The following SHANK2 variants were observed in gnomAD, a reference collection of about 807,000 sequenced individuals.
The protein encoded by SHANK2 is SH3 and multiple ankyrin repeat domains 2.
SHANK2 carries 43 observed loss-of-function variants against 133.7 expected under a neutral mutation model. That is an observed-to-expected ratio of 0.32 (90% confidence interval 0.25 to 0.41). The LOEUF (loss-of-function observed/expected upper bound fraction) is 0.41. Among genes scored for constraint, SHANK2 ranks in the 10% least tolerant of loss-of-function variants. The pLI, the probability that SHANK2 is intolerant of heterozygous loss-of-function variation, is 1.00. For missense variants in SHANK2, 1,994 were observed against 2,235.8 expected (o/e 0.89, Z 2.18); for synonymous variants, 1,017 against 952.8 (o/e 1.07, Z -1.24).
intron 15 of SHANK2, 53 bp from the exon 16 acceptor site, chr11:70,661,731 C>G (rs1322862696): frequency 6.2e-7 from 1 of 1,614,158 alleles, no homozygotes; most frequent in African/African-American, 1.3e-5. Flanking sequence ...GTCATCATCA[C>G]CGCGGCCGCT....
chr11:70,710,336 C>A (rs974580217), intron 14 of SHANK2, among the ~76,000 whole-genome samples: 1 of 152,202 alleles, frequency 6.6e-6, no homozygotes, highest in Non-Finnish European at 1.5e-5. Flanking sequence ...CTTTGACCTG[C>A]AGAGAGGACT....
chr11:70,821,580 C>T (rs999088113), intron 11 of SHANK2, among the ~76,000 whole-genome samples: 4 of 152,122 alleles, frequency 2.6e-5, no homozygotes, highest in Non-Finnish European at 4.4e-5. Flanking sequence ...TGCCCGCCAC[C>T]ACGCCTGCTA....
intron 10 of SHANK2, among the ~76,000 whole-genome samples, chr11:70,913,212 G>A (rs1234929149): frequency 6.6e-6 from 1 of 152,018 alleles, no homozygotes; most frequent in Non-Finnish European, 1.5e-5. Context: ...CAGTGAGAAA[G>A]AAGAAACTTA....
chr11:70,874,176 C>G (rs569731772), intron 11 of SHANK2, among the ~76,000 whole-genome samples: 1 of 152,120 alleles, frequency 6.6e-6, no homozygotes, highest in Admixed American at 6.6e-5. Flanking sequence ...ATCTACCTAC[C>G]TACCTAATCT....
chr11:70,626,237 AT>A (rs1213325216), intron 17 of SHANK2, among the ~76,000 whole-genome samples: 1 of 152,222 alleles, frequency 6.6e-6, no homozygotes, highest in Non-Finnish European at 1.5e-5. Flanking sequence ...CTTTGCAAAC[AT>A]TTCAAACGTT....
At chr11:70,758,287 T>C (rs960407677) in intron 14 of SHANK2, among the ~76,000 whole-genome samples, 25 of 152,302 alleles carry the variant, frequency 1.6e-4, no homozygotes, top group Admixed American at 1.3e-3. Context: ...ATCTTGCAAC[T>C]GCACGCTCTT....
At chr11:70,597,851 C>T (rs1026503549) in intron 17 of SHANK2, among the ~76,000 whole-genome samples, 14 of 152,116 alleles carry the variant, frequency 9.2e-5, no homozygotes, top group Admixed American at 6.5e-4. Flanking sequence ...CGAGCCTGTG[C>T]GACAAAGCAA....
At chr11:70,935,261 C>G (rs1950556775) in intron 10 of SHANK2, among the ~76,000 whole-genome samples, 1 of 152,110 alleles carries the variant, frequency 6.6e-6, no homozygotes, top group Non-Finnish European at 1.5e-5. Context: ...CAGGAGCTCT[C>G]TCAGTTCTCA....
chr11:70,843,687 C>G (rs111306546), intron 11 of SHANK2, among the ~76,000 whole-genome samples: 1,860 of 152,068 alleles, frequency 0.012, 18 homozygotes, highest in Non-Finnish European at 0.018. Flanking sequence ...GAGCTCCAGC[C>G]TCCAGGACTG....
At chr11:70,502,730 T>TGGGCGG in intron 18 of SHANK2, 66 bp downstream of exon 18, 5 of 772,448 alleles carry the variant, frequency 6.5e-6, no homozygotes, top group Non-Finnish European at 5.7e-6. Context: ...CCAGCTGTCC[T>TGGGCGG]GCCCGCCCCC....
chr11:70,714,893 A>G (rs1555026944), intron 14 of SHANK2, among the ~76,000 whole-genome samples: 1 of 151,684 alleles, frequency 6.6e-6, no homozygotes, highest in Non-Finnish European at 1.5e-5. Context: ...GCAGCCTTGA[A>G]CTTCTGGGCT....
intron 11 of SHANK2, among the ~76,000 whole-genome samples, chr11:70,875,749 G>C (rs1255612293): frequency 6.6e-6 from 1 of 152,076 alleles, no homozygotes; most frequent in African/African-American, 2.4e-5. Context: ...CAGCTACTTG[G>C]GGGGCTGAAG....
At chr11:71,098,785 C>A (rs951774602) in intron 6 of SHANK2, among the ~76,000 whole-genome samples, 10 of 152,300 alleles carry the variant, frequency 6.6e-5, no homozygotes, top group Middle Eastern at 6.8e-3. Flanking sequence ...CCAAGCAATT[C>A]GCATCACTTC....
chr11:71,228,752 C>A (rs1055536565), intron 1 of SHANK2, among the ~76,000 whole-genome samples: 18 of 152,182 alleles, frequency 1.2e-4, no homozygotes, highest in Admixed American at 4.6e-4. Context: ...GAGTAAGACT[C>A]CATCTCAAAA....
intron 2 of SHANK2, among the ~76,000 whole-genome samples, chr11:71,176,695 T>A (rs1456698626): frequency 2.5e-4 from 38 of 151,620 alleles, no homozygotes; most frequent in Admixed American, 2.5e-3. Context: ...CAACAAATGA[T>A]AATAAAAGAA....
chr11:71,203,193 GC>G (rs1290215671), intron 2 of SHANK2, among the ~76,000 whole-genome samples: 3 of 152,118 alleles, frequency 2.0e-5, no homozygotes, highest in African/African-American at 7.2e-5. Context: ...AGGGAGATGT[GC>G]CCCAATTGTC....
intron 14 of SHANK2, among the ~76,000 whole-genome samples, chr11:70,776,872 C>T (rs1555043997): frequency 6.6e-6 from 1 of 151,190 alleles, no homozygotes; most frequent in East Asian, 2.0e-4. Context: ...CACACATCCA[C>T]CCACCCATCC....
chr11:71,139,019 C>T (rs1187211402), intron 3 of SHANK2, among the ~76,000 whole-genome samples: 1 of 152,012 alleles, frequency 6.6e-6, no homozygotes, highest in Admixed American at 6.6e-5. Context: ...AGTGACAATG[C>T]ATGGTCTTTG....
In SHANK2 at chr11:71,168,691, G is replaced by A. The variant is rs574144383; in HGVS notation, c.-12-21353C>T. ...AATACGAAAACCAGTCAGGCGTGGC[G>A]GCGCGCGCCTGCAATCACAGGCAGT... On this transcript the variant is annotated intron_variant, in intron 2 of 25. Coordinates refer to ENST00000601538, the MANE Select transcript of SHANK2 (RefSeq NM_012309.5). Among the ~76,000 whole-genome samples the A allele has an allele frequency of 2.2e-4, 34 of 152,264 alleles. No homozygotes were observed. In the Middle Eastern group the frequency reaches 0.014, roughly 61 times the overall value.
Sources: allele counts gnomAD v4.1 joint callset (sites outside exome capture counted in the v4.1 genomes callset), GRCh38; gene constraint gnomAD v4.1.1; transcripts MANE v1.5; gene names NCBI Gene and HGNC (gene_info 2026-07-23, HGNC 2026-07-21).